The following HELLS variants were observed in gnomAD, a reference collection of about 807,000 sequenced individuals.
HELLS encodes lymphoid-specific helicase.
A neutral mutation model predicts 120.0 loss-of-function variants in HELLS; 32 were observed. The observed-to-expected ratio is 0.27, with a 90% CI of 0.20 to 0.36. HELLS has a LOEUF of 0.36. Among genes scored for constraint, HELLS ranks in the 10% least tolerant of loss-of-function variants. The pLI, the probability that HELLS is intolerant of heterozygous loss-of-function variation, is 1.00. For missense variants in HELLS, 650 were observed against 993.4 expected, an observed-to-expected ratio of 0.65 and a Z score of 4.65; for synonymous variants, 341 against 323.4, an observed-to-expected ratio of 1.05 and a Z score of -0.58.
At chr10:94,549,187 G>A (rs1040913750) in intron 2 of HELLS, among the ~76,000 whole-genome samples, 2 of 152,148 alleles carry the variant, frequency 1.3e-5, no homozygotes, top group African/African-American at 4.8e-5. Context: ...AGTTTTCAGA[G>A]TCTCTACCTA....
chr10:94,588,876 G>C (rs1845313589), intron 13 of HELLS, among the ~76,000 whole-genome samples: 1 of 152,168 alleles, frequency 6.6e-6, no homozygotes, highest in South Asian at 2.1e-4. Context: ...GCCAGGCACG[G>C]TGGCTCATGC....
chr10:94,588,636 C>T (rs1309936791), intron 13 of HELLS, among the ~76,000 whole-genome samples: 1 of 152,160 alleles, frequency 6.6e-6, no homozygotes, highest in African/African-American at 2.4e-5. Flanking sequence ...CCACCTTGGC[C>T]TCCCAAAGTG....
chr10:94,605,809 T>G (rs1404763043), downstream of HELLS, among the ~76,000 whole-genome samples: 1 of 152,036 alleles, frequency 6.6e-6, no homozygotes, highest in Non-Finnish European at 1.5e-5. Flanking sequence ...TTTTTAATTT[T>G]TTGTGGAGAC....
chr10:94,554,103 A>G, intron 2 of HELLS, 23 bp from the exon 3 acceptor site: 1 of 1,545,428 alleles, frequency 6.5e-7, no homozygotes, highest in South Asian at 1.3e-5. Context: ...GTTCATAATT[A>G]TGGAAATTTT....
chr10:94,592,506 GAA>G lies in HELLS; in HGVS notation c.1969_1970del (p.Asn657HisfsTer25). 6.9e-7 allele frequency: 1 copy of G among 1,458,014 alleles called. No homozygotes were observed. The highest frequency in any genetic ancestry group is 2.6e-5 in the Admixed American group (1 of 39,014). 90.3% of individuals were successfully genotyped at this position (1,458,014 alleles called of 1,614,324 possible). On this transcript the variant is annotated frameshift_variant, in exon 17 of 22. Coordinates refer to ENST00000348459, the MANE Select transcript of HELLS (RefSeq NM_018063.5). LOFTEE classifies it high-confidence loss of function. ...LDGSMSYSER[E>X]KNMHSFNTDP... is the part of the protein sequence containing the mutation. ...TGGGTCCATGTCTTACTCAGAGAGAGAAAAAAACGTAAGACTACTTATGTCAT... is the reference window on the plus strand; with the variant it reads ...TGGGTCCATGTCTTACTCAGAGAGAGAAAAACGTAAGACTACTTATGTCAT...
intron 13 of HELLS, 70 bp from the exon 14 acceptor site, chr10:94,590,343 T>C: frequency 1.5e-6 from 2 of 1,323,920 alleles, no homozygotes; most frequent in Non-Finnish European, 2.1e-6. Flanking sequence ...ATATGCCTTA[T>C]TTTGTTTACA....
downstream of HELLS, among the ~76,000 whole-genome samples, chr10:94,603,358 A>G (rs1846087863): frequency 3.9e-5 from 6 of 152,154 alleles, 2 homozygotes; most frequent in South Asian, 1.2e-3. Context: ...CATTTCATAC[A>G]GTTGTTGACT....
rs756298728 is a variant in HELLS, at chr10:94,601,668, T to C, written c.*46T>C. ...TTTAAAAGTTCTTATTTACATCTAG[T>C]GATTTCCCTGTATTGGGTTTGAAAT... On this transcript the variant is annotated 3_prime_UTR_variant, in exon 22 of 22. Coordinates refer to ENST00000348459, the MANE Select transcript of HELLS (RefSeq NM_018063.5). 3 of 991,302 alleles carry C rather than the reference T, an allele frequency of 3.0e-6. No individual in the cohort carries two copies. Among genetic ancestry groups the C allele is most frequent in the South Asian group, 2.9e-5 (2 of 69,656 alleles). 61.4% of individuals were successfully genotyped at this position (991,302 alleles called of 1,614,324 possible).
At chr10:94,551,578 A>G (rs1842981126) in intron 2 of HELLS, among the ~76,000 whole-genome samples, 1 of 152,110 alleles carries the variant, frequency 6.6e-6, no homozygotes, top group African/African-American at 2.4e-5. Flanking sequence ...AAAAAGAAAA[A>G]GAAATATATT....
chr10:94,575,535 C>A (rs1427852132), intron 9 of HELLS, among the ~76,000 whole-genome samples: 1 of 151,638 alleles, frequency 6.6e-6, no homozygotes, highest in African/African-American at 2.4e-5. Flanking sequence ...GTCTCTGTCA[C>A]CATGCTGGAG....
chr10:94,566,317 G>T (rs1284615728), intron 6 of HELLS, among the ~76,000 whole-genome samples: 2 of 152,090 alleles, frequency 1.3e-5, no homozygotes, highest in Non-Finnish European at 2.9e-5. Flanking sequence ...TTTAAAGGTG[G>T]GATTAATAGG....
At chr10:94,546,528 A>G (rs994112981) in intron 2 of HELLS, 30 bp downstream of exon 2, 1 of 1,613,364 alleles carries the variant, frequency 6.2e-7, no homozygotes, top group Non-Finnish European at 8.5e-7. Flanking sequence ...CGTCGTCGTG[A>G]AAGCCTGTGG....
At chr10:94,598,438 G>A (rs910072038) in intron 21 of HELLS, among the ~76,000 whole-genome samples, 1 of 152,120 alleles carries the variant, frequency 6.6e-6, no homozygotes, top group Non-Finnish European at 1.5e-5. Context: ...GGGATTATAG[G>A]CATGAGCCAT....
chr10:94,546,088 T>G, intron 1 of HELLS, 136 bp downstream of exon 1: 2 of 1,057,140 alleles, frequency 1.9e-6, no homozygotes, highest in East Asian at 2.6e-5. Context: ...GTTGGGAAAC[T>G]GCAACGGTGA....
At position 94,573,907 on chromosome 10, in the gene HELLS, G is replaced by A. The variant is rs1844307597; in HGVS notation, c.478-53G>A. 3.2e-6 allele frequency: 3 copies of A among 941,864 alleles called. No individual in the cohort carries two copies. In the African/African-American group the frequency reaches 4.9e-5, roughly 15 times the overall value. 58.3% of individuals were successfully genotyped at this position (941,864 alleles called of 1,614,324 possible). A position where few individuals can be genotyped will look rare whatever the true frequency, so the allele number is the denominator to read the frequency against. On this transcript the variant is annotated intron_variant, in intron 7 of 21. Transcript: ENST00000348459. ...TAGTTGCATTTTCTGATAAATGGTGGCATACAGCAGCATTTTGTATAACAC... is the reference window on the plus strand; with the variant it reads ...TAGTTGCATTTTCTGATAAATGGTGACATACAGCAGCATTTTGTATAACAC...
chr10:94,581,969 A>T (rs1844891608), intron 11 of HELLS, among the ~76,000 whole-genome samples: 1 of 152,186 alleles, frequency 6.6e-6, no homozygotes, highest in African/African-American at 2.4e-5. Flanking sequence ...CAATGTAAAC[A>T]CAGTGTTTTA....
intron 19 of HELLS, 77 bp downstream of exon 19, chr10:94,594,931 T>TAAAC: frequency 8.7e-7 from 1 of 1,147,236 alleles, no homozygotes; most frequent in Non-Finnish European, 1.2e-6. Flanking sequence ...ATTTTGTTTA[T>TAAAC]AAAATATTAC....
chr10:94,576,300 G>A (rs374863766), intron 9 of HELLS, among the ~76,000 whole-genome samples: 12 of 151,958 alleles, frequency 7.9e-5, no homozygotes, highest in Non-Finnish European at 1.6e-4. Context: ...CTACGGGTGC[G>A]TACCACCACA....
chr10:94,596,347 G>A (rs1001066492), intron 19 of HELLS, among the ~76,000 whole-genome samples: 4 of 152,076 alleles, frequency 2.6e-5, no homozygotes, highest in Non-Finnish European at 5.9e-5. Flanking sequence ...ACCCTTTCCA[G>A]TAATTCCTAT....
Sources: allele counts gnomAD v4.1 joint callset (sites outside exome capture counted in the v4.1 genomes callset), GRCh38; gene constraint gnomAD v4.1.1; transcripts MANE v1.5; gene names NCBI Gene and HGNC (gene_info 2026-07-23, HGNC 2026-07-21).